The following DYM variants were observed in gnomAD, a reference collection of about 807,000 sequenced individuals.
DYM encodes dyggve-Melchior-Clausen syndrome protein.
Under a neutral mutation model 93.1 loss-of-function variants are expected in DYM, and 78 were observed. The observed-to-expected ratio is 0.84, with a 90% CI of 0.70 to 1.01. The LOEUF (loss-of-function observed/expected upper bound fraction) is 1.01, where lower values mean the gene tolerates loss of function less well. DYM is among the 50% of genes least tolerant of loss of function. The pLI is 0.00. For missense variants in DYM, 789 were observed against 845.0 expected, an observed-to-expected ratio of 0.93 and a Z score of 0.82; for synonymous variants, 321 against 319.7, an observed-to-expected ratio of 1.00 and a Z score of -0.04.
intron 17 of DYM, among the ~76,000 whole-genome samples, chr18:49,056,059 G>A (rs752639489): frequency 6.6e-6 from 1 of 152,202 alleles, no homozygotes; most frequent in African/African-American, 2.4e-5. Flanking sequence ...GAGTAATGAG[G>A]GGGCTGGGGG....
chr18:49,336,462 A>T (rs2063685519), intron 6 of DYM, among the ~76,000 whole-genome samples: 1 of 152,208 alleles, frequency 6.6e-6, no homozygotes, highest in African/African-American at 2.4e-5. Context: ...AGGTAAGGAA[A>T]GCTTCCAGCA....
At chr18:49,323,311 G>C (rs951162986) in intron 8 of DYM, among the ~76,000 whole-genome samples, 3 of 152,170 alleles carry the variant, frequency 2.0e-5, no homozygotes, top group African/African-American at 7.2e-5. Flanking sequence ...ATAATGACTA[G>C]AGCTGAAAGG....
chr18:49,307,058 T>C (rs12455838), intron 8 of DYM, among the ~76,000 whole-genome samples: 12,041 of 151,764 alleles, frequency 0.079, 738 homozygotes, highest in East Asian at 0.31. Flanking sequence ...TTCTCTCTTA[T>C]CCCACTCTCT....
chr18:49,239,815 T>C (rs1244076615), intron 13 of DYM, among the ~76,000 whole-genome samples: 1 of 152,230 alleles, frequency 6.6e-6, no homozygotes, highest in African/African-American at 2.4e-5. Context: ...CCCAAAGCCC[T>C]GTGGAGGTCA....
chr18:49,453,852 G>A (rs2082740873), intron 1 of DYM, among the ~76,000 whole-genome samples: 1 of 152,170 alleles, frequency 6.6e-6, no homozygotes, highest in Non-Finnish European at 1.5e-5. Flanking sequence ...GATTTTCTGT[G>A]GAAGTCATGA....
chr18:49,459,878 A>G (rs1027316142), intron 1 of DYM, among the ~76,000 whole-genome samples: 54 of 145,730 alleles, frequency 3.7e-4, no homozygotes, highest in African/African-American at 1.4e-3. Context: ...TAGGGGAGAG[A>G]AGGAGGAGTG....
chr18:49,077,097 AACTG>A lies in DYM; in HGVS notation c.2025+20301_2025+20304del, dbSNP rs1310887351. Among the ~76,000 whole-genome samples the A allele has an allele frequency of 7.9e-5, 12 of 152,352 alleles. No homozygotes were observed. The South Asian group carries it at 2.1e-3, about 26-fold the overall frequency. ...GGCATTTGTTAGATGAAAATGACCA[AACTG>A]ACTGTTCCCCTATTTTTTGCTTCTT... is the stretch of plus-strand genomic sequence containing the variant. On this transcript the variant is annotated intron_variant, in intron 17 of 17. Coordinates refer to ENST00000675505, the MANE Select transcript of DYM (RefSeq NM_001353214.3).
At chr18:49,165,464 A>T (rs1249662825) in intron 14 of DYM, among the ~76,000 whole-genome samples, 2 of 152,132 alleles carry the variant, frequency 1.3e-5, no homozygotes, top group East Asian at 3.8e-4. Flanking sequence ...TCCCCTTACA[A>T]ATAAAATATT....
chr18:49,390,124 A>C (rs1209809206), intron 3 of DYM, among the ~76,000 whole-genome samples: 1 of 152,226 alleles, frequency 6.6e-6, no homozygotes, highest in Non-Finnish European at 1.5e-5. Flanking sequence ...TGTTTTTAAA[A>C]ACAAAAATAT....
Position 49,274,239 on chromosome 18 carries a change from G to T in DYM, c.1126-1936C>A, listed in dbSNP as rs1186732617. Among the ~76,000 whole-genome samples the T allele has an allele frequency of 2.0e-5, 3 of 152,006 alleles. No individual in the cohort carries two copies. In the East Asian group the frequency reaches 5.8e-4, roughly 29 times the overall value. On this transcript the variant is annotated intron_variant, in intron 10 of 17. Coordinates refer to ENST00000675505, the MANE Select transcript of DYM (RefSeq NM_001353214.3). ...CCTATTCTGGACTTCCGTATGAATA[G>T]AATCATACACTACGTAGATTTTTGT...
intron 2 of DYM, among the ~76,000 whole-genome samples, chr18:49,425,845 A>T (rs577053406): frequency 2.0e-5 from 3 of 152,058 alleles, no homozygotes; most frequent in Admixed American, 2.0e-4. Flanking sequence ...ACCACAATGA[A>T]ATACCATCTC....
At chr18:49,072,255 G>A (rs1216292556) in intron 17 of DYM, among the ~76,000 whole-genome samples, 1 of 152,024 alleles carries the variant, frequency 6.6e-6, no homozygotes, top group Non-Finnish European at 1.5e-5. Flanking sequence ...AATGATCTCT[G>A]GTCTAAGTTA....
chr18:49,271,185 G>C (rs776503114), intron 11 of DYM, among the ~76,000 whole-genome samples: 4 of 152,124 alleles, frequency 2.6e-5, no homozygotes, highest in Non-Finnish European at 5.9e-5. Context: ...TTTCAGTTCT[G>C]TTGAAGTATT....
intron 15 of DYM, among the ~76,000 whole-genome samples, chr18:49,153,833 T>C (rs1306382170): frequency 2.6e-5 from 4 of 152,170 alleles, no homozygotes; most frequent in Non-Finnish European, 5.9e-5. Flanking sequence ...GATTTCAAAA[T>C]TTGTGGGAAA....
intron 8 of DYM, among the ~76,000 whole-genome samples, chr18:49,314,597 C>T (rs545412739): frequency 9.8e-5 from 15 of 152,356 alleles, no homozygotes; most frequent in Admixed American, 5.2e-4. Flanking sequence ...TGGCACACTG[C>T]CTTCTTTCAT....
chr18:49,111,275 T>C (rs2081366037), intron 16 of DYM, among the ~76,000 whole-genome samples: 1 of 152,170 alleles, frequency 6.6e-6, no homozygotes. Context: ...TGGGCTGCAT[T>C]TGCCTGATGG....
At chr18:49,095,517 T>C (rs1449858045) in intron 17 of DYM, among the ~76,000 whole-genome samples, 1 of 151,760 alleles carries the variant, frequency 6.6e-6, no homozygotes, top group African/African-American at 2.4e-5. Context: ...ATGAAGTGAG[T>C]TGGCAAGCTG....
chr18:49,040,621 T>C lies in DYM; in HGVS notation c.*3434A>G, dbSNP rs2070875211. 6.6e-6 allele frequency among the ~76,000 whole-genome samples: 1 copy of C among 152,166 alleles called. No individual in the cohort carries two copies. The highest frequency in any genetic ancestry group is 6.5e-5 in the Admixed American group (1 of 15,284). The stretch of plus-strand genomic sequence containing the variant: ...GTTCTGAATTTGGAGTCAGAAGGCC[T>C]AATAATCAGTCCCTAAAATCAAGTG... On this transcript the variant is annotated 3_prime_UTR_variant, in exon 18 of 18. Coordinates refer to ENST00000675505, the MANE Select transcript of DYM (RefSeq NM_001353214.3).
intron 5 of DYM, among the ~76,000 whole-genome samples, chr18:49,375,993 G>T (rs1258450795): frequency 6.6e-6 from 1 of 152,030 alleles, no homozygotes. Context: ...AGGGACTCTT[G>T]GGCCTTCAGA....
Sources: gnomAD v4.1 joint callset for allele counts (sites outside exome capture counted in the v4.1 genomes callset) on GRCh38, gnomAD v4.1.1 for gene constraint, MANE v1.5 for transcripts, NCBI Gene and HGNC (gene_info 2026-07-23, HGNC 2026-07-21) for gene names.